FAN1: variants seen among roughly 807,000 people sequenced by gnomAD.
FAN1 encodes the protein FANCD2 and FANCI associated nuclease 1.
Under a neutral mutation model 104.9 loss-of-function variants are expected in FAN1, and 91 were observed. The observed-to-expected ratio is 0.87, with a 90% CI of 0.73 to 1.03. The LOEUF (loss-of-function observed/expected upper bound fraction) is 1.03. Ranked by LOEUF, FAN1 falls within the 50% of genes least tolerant of loss-of-function variation. FAN1 has a pLI of 0.00. For missense variants in FAN1, 1,263 were observed against 1,239.9 expected (o/e 1.02, Z -0.28); for synonymous variants, 478 against 457.6 (o/e 1.04, Z -0.57).
chr15:30,920,822 T>C (rs1389225706), intron 7 of FAN1, among the ~76,000 whole-genome samples, 169 bp downstream of exon 7: 1 of 152,248 alleles, frequency 6.6e-6, no homozygotes, highest in African/African-American at 2.4e-5. Flanking sequence ...TCTCACTCCA[T>C]CACCTAGGCT....
chr15:30,940,300 CA>C, intron 14 of FAN1: 1 of 985,362 alleles, frequency 1.0e-6, no homozygotes, highest in Non-Finnish European at 1.2e-6. Flanking sequence ...AGATTCAGAT[CA>C]AGCAAACAAC....
At chr15:30,920,179 C>A (rs1484636618) in intron 6 of FAN1, among the ~76,000 whole-genome samples, 1 of 152,218 alleles carries the variant, frequency 6.6e-6, no homozygotes, top group Non-Finnish European at 1.5e-5. Flanking sequence ...CAGTTTCATA[C>A]AATTTTCGCA....
At chr15:30,940,692 T>G (rs2063016676) in intron 14 of FAN1, 1 of 987,974 alleles carries the variant, frequency 1.0e-6, no homozygotes, top group Non-Finnish European at 1.2e-6. Context: ...GGAACAAGAC[T>G]CTGGGGACTC....
At chr15:30,924,988 A>T in intron 8 of FAN1, 139 bp from the exon 9 acceptor site, 1 of 831,002 alleles carries the variant, frequency 1.2e-6, no homozygotes, top group Non-Finnish European at 1.8e-6. Flanking sequence ...AAACAGCCTA[A>T]ATCTCTAGAA....
chr15:30,941,409 A>G, intron 14 of FAN1, 157 bp from the exon 15 acceptor site: 2 of 1,560,630 alleles, frequency 1.3e-6, no homozygotes, highest in Admixed American at 3.9e-5. Context: ...TAGGTTAGCA[A>G]TGTTAATTCA....
chr15:30,937,367 T>A, intron 14 of FAN1, 108 bp downstream of exon 14: 1 of 1,083,010 alleles, frequency 9.2e-7, no homozygotes, highest in African/African-American at 1.6e-5. Context: ...ATAGTTTGAC[T>A]TGTCATTTTA....
chr15:30,922,535 G>A (rs749386538), intron 8 of FAN1, among the ~76,000 whole-genome samples, 181 bp downstream of exon 8: 1 of 152,178 alleles, frequency 6.6e-6, no homozygotes, highest in African/African-American at 2.4e-5. Flanking sequence ...AGCACAGCAT[G>A]AGCATAGAGA....
In FAN1 at chr15:30,905,810, C is replaced by T; in HGVS notation, c.1147C>T (p.Leu383=). 6.2e-7 allele frequency: 1 copy of T among 1,614,154 alleles called. No individual in the cohort carries two copies. The highest frequency in any genetic ancestry group is 8.5e-7 in the Non-Finnish European group (1 of 1,179,994). The change falls in exon 2 of 15, where the codon CTG becomes TTG. Residue 383 remains leucine, a synonymous_variant. Transcript: ENST00000362065. The part of the protein sequence containing the change: ...PYYLRSFLVV[L]KTVLENEDDM... The stretch of plus-strand genomic sequence containing the variant: ...CTACCTTCGGAGTTTCCTTGTGGTG[C>T]TGAAAACCGTACTTGAGAATGAAGA...
chr15:30,926,529 C>A, intron 10 of FAN1: 2 of 646,294 alleles, frequency 3.1e-6, no homozygotes, highest in Non-Finnish European at 3.8e-6. Context: ...AAGACAACCA[C>A]AAGATAGGAG....
intron 10 of FAN1, 169 bp from the exon 11 acceptor site, chr15:30,928,380 AAAAT>A (rs1463180589): frequency 2.1e-6 from 3 of 1,440,980 alleles, no homozygotes. Flanking sequence ...CATACTGTAT[AAAAT>A]AAACTGGGAA....
At chr15:30,926,115 CA>C (rs1308348991) in intron 10 of FAN1, among the ~76,000 whole-genome samples, 176 bp downstream of exon 10, 2 of 152,198 alleles carry the variant, frequency 1.3e-5, no homozygotes, top group African/African-American at 2.4e-5. Flanking sequence ...AGGAGTAGGT[CA>C]GGGGTAGTTG....
chr15:30,938,943 C>G, intron 14 of FAN1: 1 of 985,394 alleles, frequency 1.0e-6, no homozygotes, highest in South Asian at 4.7e-5. Flanking sequence ...CAACAACAAA[C>G]AGTCGCTGTG....
At chr15:30,915,088 T>A (rs1170228959) in intron 5 of FAN1, among the ~76,000 whole-genome samples, 1 of 152,020 alleles carries the variant, frequency 6.6e-6, no homozygotes, top group African/African-American at 2.4e-5. Flanking sequence ...ATAAAGAAAA[T>A]GTGGTACATA....
In FAN1 at chr15:30,941,699, C is replaced by T. The variant is rs1350420592; in HGVS notation, c.*137C>T. The stretch of plus-strand genomic sequence containing the variant: ...CTCCCCATAGCAGGCCTCCAGGGGG[C>T]CACTGCGCTGTTGCCGCAGCATCCT... On this transcript the variant is annotated 3_prime_UTR_variant, in exon 15 of 15. Transcript: ENST00000362065. 7 of 1,613,828 alleles carry T rather than the reference C, an allele frequency of 4.3e-6. No homozygotes were observed. Among genetic ancestry groups the T allele is most frequent in the Non-Finnish European group, 5.9e-6 (7 of 1,179,810 alleles).
At chr15:30,940,593 G>T (rs887440090) in intron 14 of FAN1, 4 of 985,270 alleles carry the variant, frequency 4.1e-6, no homozygotes, top group Non-Finnish European at 4.8e-6. Flanking sequence ...TTTTGAGGGC[G>T]AGTTTTGGCA....
chr15:30,936,954 A>G lies in FAN1; in HGVS notation c.2917-165A>G, dbSNP rs146668026. On this transcript the variant is annotated intron_variant, in intron 13 of 14. Coordinates refer to ENST00000362065, the MANE Select transcript of FAN1 (RefSeq NM_014967.5). ...TTTTAAGTCAAAAAATCCTAAGGTG[A>G]ACCATTGTAAGTGAAGGACCATCCG... 2.1e-4 allele frequency among the ~76,000 whole-genome samples: 32 copies of G among 152,334 alleles called. 1 individual carries two copies. The East Asian group carries it at 6.0e-3, about 28-fold the overall frequency.
intron 13 of FAN1, among the ~76,000 whole-genome samples, chr15:30,935,524 A>G (rs1018273075): frequency 6.6e-6 from 1 of 152,222 alleles, no homozygotes; most frequent in Admixed American, 6.5e-5. Flanking sequence ...CATAGCATTT[A>G]TATTAGGTAT....
intron 6 of FAN1, among the ~76,000 whole-genome samples, chr15:30,919,377 T>TAA (rs2062264832): frequency 3.5e-5 from 1 of 28,974 alleles, no homozygotes; most frequent in African/African-American, 1.7e-4. Flanking sequence ...AAACTCCGTC[T>TAA]CAAAAAAAAA....
In FAN1 at chr15:30,925,813, C is replaced by T. The variant is rs144684512; in HGVS notation, c.2362C>T (p.Pro788Ser). The change falls in exon 10 of 15, where the codon CCA becomes TCA. Residue 788 changes from proline to serine, a missense_variant. By Grantham distance (74) the Pro-to-Ser change is moderately conservative. Around this residue, in one of 2 missense-constraint regions of FAN1, gnomAD observed 581 missense variants for 668.8 expected, o/e 0.87. Transcript: ENST00000362065. ...GGTGACCATCACAGGCAGGCTGTGCCCACAGCGTGGGATGTGCAAGTCTGT... is the reference window on the plus strand; with the variant it reads ...GGTGACCATCACAGGCAGGCTGTGCTCACAGCGTGGGATGTGCAAGTCTGT... ...KHVTITGRLC[P>S]QRGMCKSVFV... The T allele has an allele frequency of 4.9e-5, 79 of 1,614,040 alleles. No homozygotes were observed. The highest frequency in any genetic ancestry group is 6.4e-5 in the Non-Finnish European group (75 of 1,180,024).
Sources: gnomAD v4.1 joint callset for allele counts (sites outside exome capture counted in the v4.1 genomes callset) on GRCh38, gnomAD v4.1.1 for gene constraint, gnomAD v4.1.1 regional missense constraint, MANE v1.5 for transcripts, NCBI Gene and HGNC (gene_info 2026-07-23, HGNC 2026-07-21) for gene names.